HOXB4: variants seen among roughly 807,000 people sequenced by gnomAD.
The protein encoded by HOXB4 is homeobox protein Hox-B4.
Under a neutral mutation model 20.0 loss-of-function variants are expected in HOXB4, and 13 were observed. That is an observed-to-expected ratio of 0.65 (90% CI 0.42 to 1.03). The LOEUF (loss-of-function observed/expected upper bound fraction) is 1.03, where lower values mean the gene tolerates loss of function less well. Ranked by LOEUF, HOXB4 falls within the 50% of genes least tolerant of loss-of-function variation. HOXB4 has a pLI of 0.00. For missense variants in HOXB4, 343 were observed against 357.1 expected (o/e 0.96, Z 0.32); for synonymous variants, 173 against 148.9 (o/e 1.16, Z -1.18).
intron 1 of HOXB4, 85 bp from the exon 2 acceptor site, chr17:48,577,105 T>C (rs1320897251): frequency 3.9e-6 from 5 of 1,296,728 alleles, no homozygotes; most frequent in East Asian, 4.7e-5. Flanking sequence ...ACACAGCGTT[T>C]CCCTCCCTCC....
rs116058353 is a variant in HOXB4 at position 48,576,930 on chromosome 17, T to C, written c.548A>G (p.Tyr183Cys). The part of the protein sequence containing the change: ...QVLELEKEFH[Y>C]NRYLTRRRRV... ...CCGGCGCCGTGTCAGGTAGCGGTTG[T>C]AGTGAAATTCCTTCTCCAGCTCCAA... is the stretch of plus-strand genomic sequence containing the variant. The change falls in exon 2 of 2, where the codon TAC becomes TGC. Residue 183 changes from tyrosine (Y) to cysteine (C), a missense_variant. Coordinates refer to ENST00000332503, the MANE Select transcript of HOXB4 (RefSeq NM_024015.5). The C allele has an allele frequency of 2.7e-4, 429 of 1,614,200 alleles. 3 individuals carry two copies. In the African/African-American group the frequency reaches 4.8e-3, roughly 18 times the overall value.
chr17:48,578,050 G>A lies in HOXB4; in HGVS notation c.270C>T (p.Ser90=). The A allele has an allele frequency of 4.3e-6, 5 of 1,170,450 alleles. No homozygotes were observed. Among genetic ancestry groups the A allele is most frequent in the Non-Finnish European group, 5.3e-6 (5 of 940,488 alleles). The allele number at this position is 1,170,450 out of a possible 1,614,324, so 72.5% of individuals were successfully genotyped here. A position where few individuals can be genotyped will look rare whatever the true frequency, so the allele number is the denominator to read the frequency against. Reference sequence around the variant, plus strand: ...CGGGTGGCGGCGCAGGAGCCCGAGGGGACAGACCGGGCGGTGGCGGGGGCG... The same window carrying A: ...CGGGTGGCGGCGCAGGAGCCCGAGGAGACAGACCGGGCGGTGGCGGGGGCG... The part of the protein sequence containing the change: ...PPPPPPPPGL[S]PRAPAPPPAG... The change falls in exon 1 of 2, where the codon TCC becomes TCT. Residue 90 remains serine (S), a synonymous_variant. Coordinates refer to ENST00000332503, the MANE Select transcript of HOXB4 (RefSeq NM_024015.5).
Position 48,578,335 on chromosome 17 carries a change from G to C in HOXB4, c.-16C>G. On this transcript the variant is annotated 5_prime_UTR_variant, in exon 1 of 2. Transcript: ENST00000332503. ...TCATAGCCATTAATTTCTGGGAATT[G>C]CCCACAAAATATACTAAAATTTATT... 1.2e-6 allele frequency: 2 copies of C among 1,601,232 alleles called. No individual in the cohort carries two copies. The highest frequency in any genetic ancestry group is 1.1e-5 in the South Asian group (1 of 89,190).
In HOXB4 at chr17:48,578,135, A is replaced by G; in HGVS notation, c.185T>C (p.Val62Ala). The change falls in exon 1 of 2, where the codon GTG becomes GCG. Residue 62 changes from valine (V) to alanine (A), a missense_variant. Around this residue, in one of 3 missense-constraint regions of HOXB4, gnomAD observed 241 missense variants for 222.0 expected, o/e 1.09. Coordinates refer to ENST00000332503, the MANE Select transcript of HOXB4 (RefSeq NM_024015.5). ...GTCCCGGCAGGCCGCGTAGCGCTGC[A>G]CGGTGCACGCCGCGCGCCGCCCGAA... ...AGFGRRAACT[V>A]QRYAACRDPG... 1 of 1,545,418 alleles carries G rather than the reference A, an allele frequency of 6.5e-7. No individual in the cohort carries two copies. The highest frequency in any genetic ancestry group is 1.4e-5 in the African/African-American group (1 of 73,500).
chr17:48,575,723 T>C lies in HOXB4; in HGVS notation c.*999A>G, dbSNP rs1220457270. The C allele has an allele frequency of 1.3e-5, 2 of 149,600 alleles. No individual in the cohort carries two copies. Among genetic ancestry groups the C allele is most frequent in the Admixed American group, 6.6e-5 (1 of 15,070 alleles). 9.3% of individuals were successfully genotyped at this position (149,600 alleles called of 1,614,324 possible). On this transcript the variant is annotated 3_prime_UTR_variant, in exon 2 of 2. Transcript: ENST00000332503. Reference sequence around the variant, plus strand: ...AATAATAATAAACGATGCAACATAATAAACTATGGGAGAGGGCTCTGCAAC... The same window carrying C: ...AATAATAATAAACGATGCAACATAACAAACTATGGGAGAGGGCTCTGCAAC...
chr17:48,576,950 C>T lies in HOXB4; in HGVS notation c.528G>A (p.Glu176=). ...RTAYTRQQVL[E]LEKEFHYNRY... ...GGTTGTAGTGAAATTCCTTCTCCAG[C>T]TCCAAGACCTGCTGGCGCGTGTAGG... Residue 176 remains glutamate, a synonymous_variant, in exon 2 of 2, where the codon GAG becomes GAA. Transcript: ENST00000332503. The T allele has an allele frequency of 6.2e-7, 1 of 1,614,152 alleles. No individual in the cohort carries two copies. The highest frequency in any genetic ancestry group is 8.5e-7 in the Non-Finnish European group (1 of 1,179,974).
chr17:48,577,492 T>C (rs1225895514), intron 1 of HOXB4, among the ~76,000 whole-genome samples: 1 of 152,222 alleles, frequency 6.6e-6, no homozygotes, highest in Non-Finnish European at 1.5e-5. Context: ...AAATAAATAC[T>C]GGGAGTTGAC....
In HOXB4 at chr17:48,576,768, G is replaced by A. The variant is rs2069778565; in HGVS notation, c.710C>T (p.Ala237Val). 1 of 1,613,764 alleles carries A rather than the reference G, an allele frequency of 6.2e-7. No individual in the cohort carries two copies. Among genetic ancestry groups the A allele is most frequent in the East Asian group, 2.2e-5 (1 of 44,856 alleles). The change falls in exon 2 of 2, where the codon GCC (alanine) becomes GTC (valine). Residue 237 changes from alanine to valine, a missense_variant. Around this residue, in one of 3 missense-constraint regions of HOXB4, gnomAD observed 48 missense variants for 44.8 expected, o/e 1.07. Transcript: ENST00000332503. ...KIRSGGAAGSAGGPPGRPNGG... is the reference protein window; with the variant it reads ...KIRSGGAAGSVGGPPGRPNGG... ...ATTGGGCCGGCCAGGGGGCCCTCCGGCTGAGCCTGCCGCACCACCCGAGCG... is the reference window on the plus strand; with the variant it reads ...ATTGGGCCGGCCAGGGGGCCCTCCGACTGAGCCTGCCGCACCACCCGAGCG...
rs1567962862 is a variant in HOXB4 at position 48,576,380 on chromosome 17, CG to C, written c.*341del. 1 of 209,768 alleles carries C rather than the reference CG, an allele frequency of 4.8e-6. No individual in the cohort carries two copies. Among genetic ancestry groups the C allele is most frequent in the Non-Finnish European group, 9.4e-6 (1 of 106,318 alleles). The allele number at this position is 209,768 out of a possible 1,614,324, so 13.0% of individuals were successfully genotyped here. On this transcript the variant is annotated 3_prime_UTR_variant, in exon 2 of 2. Transcript: ENST00000332503. The stretch of plus-strand genomic sequence containing the variant: ...TAAAGATGAAACGTGGATCCATCTT[CG>C]CCAAAGCTGAAAACGAGGAGCTGCA...
At position 48,576,645 on chromosome 17, in the gene HOXB4, T is replaced by TC; in HGVS notation, c.*76dup. 1 of 559,070 alleles carries TC rather than the reference T, an allele frequency of 1.8e-6. No homozygotes were observed. Among genetic ancestry groups the TC allele is most frequent in the South Asian group, 3.3e-5 (1 of 30,496 alleles). 34.6% of individuals were successfully genotyped at this position (559,070 alleles called of 1,614,324 possible). On this transcript the variant is annotated 3_prime_UTR_variant, in exon 2 of 2. Coordinates refer to ENST00000332503, the MANE Select transcript of HOXB4 (RefSeq NM_024015.5). Reference sequence around the variant, plus strand: ...CCGGGGCCCAGGCCCCAGGGCCCCCTCCTGTCCCCCCACCCCATCCCCTGC... The same window carrying TC: ...CCGGGGCCCAGGCCCCAGGGCCCCCTCCCTGTCCCCCCACCCCATCCCCTGC...
rs2069771011 is a variant in HOXB4, at chr17:48,576,614, A to AT, written c.*107dup. On this transcript the variant is annotated 3_prime_UTR_variant, in exon 2 of 2. Transcript: ENST00000332503. ...ATAAAGTGTGGGGGAGGGCAGATAG[A>AT]TTTTTCCGGGGCCCAGGCCCCAGGG... 7.9e-6 allele frequency: 8 copies of AT among 1,017,118 alleles called. No individual in the cohort carries two copies. In the East Asian group the frequency reaches 2.1e-4, roughly 27 times the overall value. The allele number at this position is 1,017,118 out of a possible 1,614,324, so 63.0% of individuals were successfully genotyped here.
rs1304282852 is a variant in HOXB4 at position 48,578,130 on chromosome 17, G to A, written c.190C>T (p.Arg64Cys). The A allele has an allele frequency of 2.6e-6, 4 of 1,529,792 alleles. No homozygotes were observed. The highest frequency in any genetic ancestry group is 2.0e-4 in the Middle Eastern group (1 of 5,096). The allele number at this position is 1,529,792 out of a possible 1,614,324, so 94.8% of individuals were successfully genotyped here. A position where few individuals can be genotyped will look rare whatever the true frequency, so the allele number is the denominator to read the frequency against. Residue 64 changes from arginine (R) to cysteine (C), a missense_variant, in exon 1 of 2, where the codon CGC becomes TGC. By Grantham distance (180) the Arg-to-Cys change is radical. Coordinates refer to ENST00000332503, the MANE Select transcript of HOXB4 (RefSeq NM_024015.5). ...FGRRAACTVQ[R>C]YAACRDPGPP... ...CCAGGGTCCCGGCAGGCCGCGTAGC[G>A]CTGCACGGTGCACGCCGCGCGCCGC... is the stretch of plus-strand genomic sequence containing the variant.
Position 48,576,573 on chromosome 17 carries a change from C to T in HOXB4, c.*149G>A. On this transcript the variant is annotated 3_prime_UTR_variant, in exon 2 of 2. Coordinates refer to ENST00000332503, the MANE Select transcript of HOXB4 (RefSeq NM_024015.5). The stretch of plus-strand genomic sequence containing the variant: ...AAATAAAGCTTCCCCTCCCCCTCTT[C>T]TGCGTTTATTCGTATATAAAGTGTG... 3.3e-6 allele frequency: 2 copies of T among 611,622 alleles called. No individual in the cohort carries two copies. The highest frequency in any genetic ancestry group is 5.3e-6 in the Non-Finnish European group (2 of 379,806). 37.9% of individuals were successfully genotyped at this position (611,622 alleles called of 1,614,324 possible).
At chr17:48,577,799 C>T in intron 1 of HOXB4, 64 bp downstream of exon 1, 1 of 1,323,888 alleles carries the variant, frequency 7.6e-7, no homozygotes, top group Non-Finnish European at 9.7e-7. Context: ...CAACCCATGC[C>T]TCCGAAGTCC....
Position 48,577,980 on chromosome 17 carries a change from T to G in HOXB4, c.340A>C (p.Ser114Arg). ...PEPGQRCEAVSSSPPPPPCAQ... is the reference protein window; with the variant it reads ...PEPGQRCEAVRSSPPPPPCAQ... ...CAGGGAGGCGGCGGGGGGCTGCTGC[T>G]GACCGCCTCGCAGCGCTGGCCGGGC... The change falls in exon 1 of 2, where the codon AGC becomes CGC. Residue 114 changes from serine to arginine, a missense_variant. Physicochemically the swap from Ser to Arg is moderately radical, Grantham distance 110. Around this residue, in one of 3 missense-constraint regions of HOXB4, gnomAD observed 241 missense variants for 222.0 expected, o/e 1.09. Coordinates refer to ENST00000332503, the MANE Select transcript of HOXB4 (RefSeq NM_024015.5). 1.5e-6 allele frequency: 2 copies of G among 1,302,072 alleles called. No individual in the cohort carries two copies. Among genetic ancestry groups the G allele is most frequent in the Middle Eastern group, 4.4e-4 (2 of 4,578 alleles). The allele number at this position is 1,302,072 out of a possible 1,614,324, so 80.7% of individuals were successfully genotyped here. A position where few individuals can be genotyped will look rare whatever the true frequency, so the allele number is the denominator to read the frequency against.
chr17:48,577,134 T>G, intron 1 of HOXB4, 114 bp from the exon 2 acceptor site: 3 of 1,066,132 alleles, frequency 2.8e-6, no homozygotes, highest in Non-Finnish European at 2.6e-6. Context: ...CCACCTCTTC[T>G]TCCTTCTGAG....
At chr17:48,577,280 G>T in intron 1 of HOXB4, among the ~76,000 whole-genome samples, 1 of 152,092 alleles carries the variant, frequency 6.6e-6, no homozygotes, top group Non-Finnish European at 1.5e-5. Context: ...ACTCCCCCAA[G>T]GTTTTAATTG....
At chr17:48,577,260 G>A (rs2069796908) in intron 1 of HOXB4, among the ~76,000 whole-genome samples, 1 of 152,174 alleles carries the variant, frequency 6.6e-6, no homozygotes, top group Non-Finnish European at 1.5e-5. Flanking sequence ...GGGAAGGGGG[G>A]CGTGTGAGGA....
rs1210359265 is a variant in HOXB4 at position 48,576,755 on chromosome 17, A to C, written c.723T>G (p.Pro241=). ...GGAAGSAGGP[P]GRPNGGPRAL ...CGCGGGGGCCTCCATTGGGCCGGCC[A>C]GGGGGCCCTCCGGCTGAGCCTGCCG... Residue 241 remains proline, a synonymous_variant, in exon 2 of 2, where the codon CCT becomes CCG. Coordinates refer to ENST00000332503, the MANE Select transcript of HOXB4 (RefSeq NM_024015.5). 2.1e-6 allele frequency: 3 copies of C among 1,425,406 alleles called. No homozygotes were observed. The highest frequency in any genetic ancestry group is 2.8e-6 in the Non-Finnish European group (3 of 1,061,758). The allele number at this position is 1,425,406 out of a possible 1,614,324, so 88.3% of individuals were successfully genotyped here. A position where few individuals can be genotyped will look rare whatever the true frequency, so the allele number is the denominator to read the frequency against.
Sources: allele counts gnomAD v4.1 joint callset (sites outside exome capture counted in the v4.1 genomes callset), GRCh38; gene constraint gnomAD v4.1.1; regional missense constraint gnomAD v4.1.1; transcripts MANE v1.5; gene names NCBI Gene and HGNC (gene_info 2026-07-23, HGNC 2026-07-21).